The following EXOC4 variants were observed in gnomAD, a reference collection of about 807,000 sequenced individuals.
EXOC4 encodes SEC8-like 1.
EXOC4 carries 71 observed loss-of-function variants against 107.2 expected under a neutral mutation model. The observed-to-expected ratio is 0.66, with a 90% CI of 0.55 to 0.81. The LOEUF is 0.81. Ranked by LOEUF, EXOC4 falls within the 30% of genes least tolerant of loss-of-function variation. EXOC4 has a pLI of 0.00. For synonymous variants in EXOC4, 456 were observed against 441.2 expected (o/e 1.03, Z -0.42); for missense variants, 1,108 against 1,189.6 (o/e 0.93, Z 1.01).
At chr7:133,742,824 C>T (rs1249467470) in intron 10 of EXOC4, among the ~76,000 whole-genome samples, 3 of 152,088 alleles carry the variant, frequency 2.0e-5, no homozygotes, top group African/African-American at 7.2e-5. Flanking sequence ...GAGTTGTTGA[C>T]CTGGAAGTTC....
chr7:133,369,737 T>C (rs1796322720), intron 6 of EXOC4, among the ~76,000 whole-genome samples: 2 of 151,390 alleles, frequency 1.3e-5, no homozygotes, highest in Admixed American at 6.6e-5. Flanking sequence ...TCCCTAAGGA[T>C]ATAACACCTT....
chr7:133,345,675 TTATAGCAGACC>T (rs1267530227), intron 5 of EXOC4, among the ~76,000 whole-genome samples: 1 of 152,186 alleles, frequency 6.6e-6, no homozygotes, highest in African/African-American at 2.4e-5. Flanking sequence ...CTATCTCCCC[TTATAGCAGACC>T]TACCATCATT....
chr7:134,056,755 A>G (rs1019445166), intron 17 of EXOC4, among the ~76,000 whole-genome samples: 1 of 152,204 alleles, frequency 6.6e-6, no homozygotes, highest in Admixed American at 6.5e-5. Context: ...ATAGATATTT[A>G]TAAATTTAGA....
At chr7:133,912,574 C>T (rs1028283540) in intron 12 of EXOC4, among the ~76,000 whole-genome samples, 3 of 152,174 alleles carry the variant, frequency 2.0e-5, no homozygotes, top group African/African-American at 7.2e-5. Context: ...CATTAAGATG[C>T]TTTTAGTGTA....
the EXOC4 span, among the ~76,000 whole-genome samples, chr7:134,082,537 T>C: frequency 6.6e-6 from 1 of 152,128 alleles, no homozygotes; most frequent in African/African-American, 2.4e-5. Flanking sequence ...ACCTCCCAGG[T>C]TCAAGCAATT....
intron 10 of EXOC4, among the ~76,000 whole-genome samples, chr7:133,813,712 T>A (rs1290370349): frequency 6.6e-6 from 1 of 152,166 alleles, no homozygotes; most frequent in Non-Finnish European, 1.5e-5. Context: ...TTGGTCCTAT[T>A]TTATTTTTCT....
intron 10 of EXOC4, among the ~76,000 whole-genome samples, chr7:133,734,750 A>G (rs1795402180): frequency 6.6e-6 from 1 of 152,102 alleles, no homozygotes; most frequent in South Asian, 2.1e-4. Flanking sequence ...TGAACTGGTA[A>G]GAATATGTGA....
intron 11 of EXOC4, among the ~76,000 whole-genome samples, chr7:133,835,128 A>G (rs529904188): frequency 6.6e-6 from 1 of 152,318 alleles, no homozygotes; most frequent in Non-Finnish European, 1.5e-5. Context: ...AGTCTTGGGT[A>G]TGCCTTTATC....
rs769571711 is a variant in EXOC4 at position 133,895,632 on chromosome 7, C to A, written c.1768C>A (p.Leu590Ile). The A allele has an allele frequency of 1.1e-5, 17 of 1,613,756 alleles. No individual in the cohort carries two copies. Among genetic ancestry groups the A allele is most frequent in the African/African-American group, 1.3e-5 (1 of 74,880 alleles). ...TIIVEKTVQD[L>I]LNLMHDLSAY... ...CATTGTGGAGAAGACAGTTCAAGACCTCCTGAACCTGATGCATGACTTGAG... is the reference window on the plus strand; with the variant it reads ...CATTGTGGAGAAGACAGTTCAAGACATCCTGAACCTGATGCATGACTTGAG... The change falls in exon 12 of 18, where the codon CTC becomes ATC. Residue 590 changes from leucine (L) to isoleucine (I), a missense_variant. Leu to Ile is a conservative substitution (Grantham distance 5). Coordinates refer to ENST00000253861, the MANE Select transcript of EXOC4 (RefSeq NM_021807.4).
intron 7 of EXOC4, among the ~76,000 whole-genome samples, chr7:133,379,979 A>G (rs1343420816): frequency 6.6e-6 from 1 of 151,974 alleles, no homozygotes; most frequent in East Asian, 1.9e-4. Context: ...CGTTTCATAC[A>G]TGTAGTTTCA....
rs117423758 is a variant in EXOC4 at position 133,758,984 on chromosome 7, G to C, written c.1515-58341G>C. ...TTTTGAGGTGTCTCTAGAGGGTAAA[G>C]AGGAATAAGGAGAGGGACCACTATC... is the stretch of plus-strand genomic sequence containing the variant. On this transcript the variant is annotated intron_variant, in intron 10 of 17. Coordinates refer to ENST00000253861, the MANE Select transcript of EXOC4 (RefSeq NM_021807.4). 7.5e-4 allele frequency among the ~76,000 whole-genome samples: 114 copies of C among 152,258 alleles called. 2 individuals are homozygous for C. The East Asian group carries it at 0.022, about 29-fold the overall frequency.
intron 13 of EXOC4, among the ~76,000 whole-genome samples, chr7:133,925,482 G>A (rs1300985506): frequency 6.6e-6 from 1 of 152,112 alleles, no homozygotes; most frequent in Non-Finnish European, 1.5e-5. Flanking sequence ...CTGCTTTCTG[G>A]AGATGTAATT....
chr7:133,661,495 G>A (rs1585061734), intron 10 of EXOC4, among the ~76,000 whole-genome samples: 1 of 152,016 alleles, frequency 6.6e-6, no homozygotes, highest in South Asian at 2.1e-4. Flanking sequence ...ACATTTAGCT[G>A]GCCCTATGGA....
intron 10 of EXOC4, among the ~76,000 whole-genome samples, chr7:133,739,349 A>G (rs930251156): frequency 2.0e-5 from 3 of 151,716 alleles, no homozygotes; most frequent in African/African-American, 4.8e-5. Flanking sequence ...TGTCTTCTCA[A>G]CTCATGCTGG....
chr7:134,074,589 C>A, the EXOC4 span, among the ~76,000 whole-genome samples: 1 of 152,188 alleles, frequency 6.6e-6, no homozygotes, highest in Non-Finnish European at 1.5e-5. Context: ...AGGGAGGAGG[C>A]CCAAGAGGAG....
chr7:133,355,226 TTTCA>T (rs1372811932), intron 5 of EXOC4, among the ~76,000 whole-genome samples: 1 of 151,352 alleles, frequency 6.6e-6, no homozygotes, highest in Non-Finnish European at 1.5e-5. Flanking sequence ...GTATTCATTC[TTTCA>T]GGATATTGCA....
chr7:133,743,843 C>T (rs935701756), intron 10 of EXOC4, among the ~76,000 whole-genome samples: 14 of 152,132 alleles, frequency 9.2e-5, no homozygotes, highest in African/African-American at 3.4e-4. Flanking sequence ...CTTCTAAATA[C>T]ATCAGAGCCA....
At chr7:133,852,110 A>C (rs1228448417) in intron 11 of EXOC4, among the ~76,000 whole-genome samples, 2 of 152,188 alleles carry the variant, frequency 1.3e-5, no homozygotes, top group African/African-American at 4.8e-5. Flanking sequence ...TTATTAGAAT[A>C]ATGTTGAATC....
intron 3 of EXOC4, among the ~76,000 whole-genome samples, chr7:133,290,463 T>C (rs1794378719): frequency 6.6e-6 from 1 of 152,252 alleles, no homozygotes; most frequent in Non-Finnish European, 1.5e-5. Flanking sequence ...TTATGCATTA[T>C]GAATGCATAC....
Sources: allele counts gnomAD v4.1 joint callset (sites outside exome capture counted in the v4.1 genomes callset), GRCh38; gene constraint gnomAD v4.1.1; transcripts MANE v1.5; gene names NCBI Gene and HGNC (gene_info 2026-07-23, HGNC 2026-07-21).